Variants in BLTP3B observed in about 807,000 individuals in gnomAD.
BLTP3B encodes UHRF1 (ICBP90) binding protein 1-like.
chr12:100,037,461 G>A, the BLTP3B span: 1 of 1,385,002 alleles, frequency 7.2e-7, no homozygotes, highest in Non-Finnish European at 9.3e-7. Flanking sequence ...AGATTGTAAT[G>A]CCCGTACTAA....
chr12:100,084,550 T>C, the BLTP3B span: 154 of 1,613,996 alleles, frequency 9.5e-5, no homozygotes, highest in Middle Eastern at 4.9e-4. Context: ...CTTCACAGCC[T>C]GTTTAAGCAT....
the BLTP3B span, among the ~76,000 whole-genome samples, chr12:100,113,304 C>T: frequency 1.7e-4 from 26 of 151,864 alleles, no homozygotes; most frequent in African/African-American, 4.4e-4. Flanking sequence ...GGCGAAACCT[C>T]GTCCCTACTA....
chr12:100,052,776 ATTTTTTCTTTTCTGTTTTTTTTT>A, the BLTP3B span, among the ~76,000 whole-genome samples: 15 of 130,008 alleles, frequency 1.2e-4, no homozygotes, highest in African/African-American at 4.1e-4. Context: ...TGTTGTTGTT[ATTTTTTCTTTTCTGTTTTTTTTT>A]TTTTTTTTTT....
At chr12:100,142,367 C>T in the BLTP3B span, among the ~76,000 whole-genome samples, 1 of 152,172 alleles carries the variant, frequency 6.6e-6, no homozygotes, top group Non-Finnish European at 1.5e-5. Context: ...CTCCGCGCGC[C>T]CACCCTGGGA....
At chr12:100,048,930 C>T in the BLTP3B span, among the ~76,000 whole-genome samples, 1 of 151,926 alleles carries the variant, frequency 6.6e-6, no homozygotes, top group African/African-American at 2.4e-5. Flanking sequence ...GAATATCTAA[C>T]TTAAAAAACA....
chr12:100,104,511 G>C, the BLTP3B span, among the ~76,000 whole-genome samples: 3 of 148,244 alleles, frequency 2.0e-5, no homozygotes, highest in African/African-American at 7.7e-5. Flanking sequence ...GCCAATTTCA[G>C]GTTCTTTTAA....
chr12:100,105,620 C>T, the BLTP3B span, among the ~76,000 whole-genome samples: 4 of 152,144 alleles, frequency 2.6e-5, no homozygotes, highest in South Asian at 6.2e-4. Flanking sequence ...CTCTTCTGAA[C>T]GTTGGCCTAG....
chr12:100,130,982 GGAGAGAGAGAGAGAGAGAGAGA>G, the BLTP3B span, among the ~76,000 whole-genome samples: 32 of 62,216 alleles, frequency 5.1e-4, no homozygotes, highest in Middle Eastern at 0.01. Context: ...AGAGAGGGAG[GGAGAGAGAGAGAGAGAGAGAGA>G]GAGAGAGAGA....
At chr12:100,108,238 A>C in the BLTP3B span, 1 of 855,220 alleles carries the variant, frequency 1.2e-6, no homozygotes, top group Non-Finnish European at 1.7e-6. Flanking sequence ...ACATTTATGC[A>C]AAGGTATCTT....
At chr12:100,058,816 GATTA>G in the BLTP3B span, 1 of 1,613,952 alleles carries the variant, frequency 6.2e-7, no homozygotes, top group Non-Finnish European at 8.5e-7. Flanking sequence ...TACTGGTAGT[GATTA>G]ATCTGCATAC....
At chr12:100,103,869 GTATATA>G in the BLTP3B span, 5 of 1,466,730 alleles carry the variant, frequency 3.4e-6, no homozygotes, top group Non-Finnish European at 4.6e-6. Flanking sequence ...GCTAGATAAT[GTATATA>G]TATAAATGTT....
At chr12:100,113,817 T>C in the BLTP3B span, among the ~76,000 whole-genome samples, 1 of 151,772 alleles carries the variant, frequency 6.6e-6, no homozygotes. Context: ...AGAAAAACAA[T>C]TCCCATTATA....
At chr12:100,092,836 A>T in the BLTP3B span, 1 of 907,730 alleles carries the variant, frequency 1.1e-6, no homozygotes, top group East Asian at 1.2e-4. Flanking sequence ...TATGATGGTA[A>T]TATTGCAAAA....
chr12:100,058,566 T>A, the BLTP3B span: 3 of 1,612,502 alleles, frequency 1.9e-6, no homozygotes, highest in Non-Finnish European at 2.5e-6. Context: ...AGACAAAAAA[T>A]CCCCATTTTC....
At chr12:100,135,320 G>A in the BLTP3B span, among the ~76,000 whole-genome samples, 1 of 143,620 alleles carries the variant, frequency 7.0e-6, no homozygotes, top group Non-Finnish European at 1.5e-5. Flanking sequence ...GCAGGCTGGA[G>A]TGTAGTGGTG....
At chr12:100,110,035 C>T in the BLTP3B span, among the ~76,000 whole-genome samples, 1 of 152,098 alleles carries the variant, frequency 6.6e-6, no homozygotes, top group African/African-American at 2.4e-5. Flanking sequence ...ACTTTATCTT[C>T]CAAACAACCC....
chr12:100,131,033 G>C, the BLTP3B span, among the ~76,000 whole-genome samples: 1 of 113,312 alleles, frequency 8.8e-6, no homozygotes, highest in South Asian at 2.8e-4. Flanking sequence ...GAGAGAGAGA[G>C]AAAGAGTTTT....
At chr12:100,057,981 C>T in the BLTP3B span, 2 of 1,521,678 alleles carry the variant, frequency 1.3e-6, no homozygotes, top group Non-Finnish European at 1.8e-6. Context: ...GGCACACACG[C>T]TCCACAAAAT....
chr12:100,125,078 T>A, the BLTP3B span, among the ~76,000 whole-genome samples: 1 of 147,712 alleles, frequency 6.8e-6, no homozygotes, highest in African/African-American at 2.5e-5. Context: ...ACGCCTGTAA[T>A]CCCAGCACTC....
Sources: gnomAD v4.1 joint callset for allele counts (sites outside exome capture counted in the v4.1 genomes callset) on GRCh38, gnomAD v4.1.1 for gene constraint, MANE v1.5 for transcripts, NCBI Gene and HGNC (gene_info 2026-07-23, HGNC 2026-07-21) for gene names.